ARHGEF9: variants seen among roughly 807,000 people sequenced by gnomAD.
The protein encoded by ARHGEF9 is rho guanine nucleotide exchange factor 9.
ARHGEF9 carries 2 observed loss-of-function variants against 41.3 expected under a neutral mutation model. The ratio of observed to expected loss-of-function variants is 0.05; its 90% CI spans 0.02 to 0.15. The LOEUF (loss-of-function observed/expected upper bound fraction) is 0.15. ARHGEF9 is among the 10% of genes least tolerant of loss of function. ARHGEF9 has a pLI of 1.00. For synonymous variants in ARHGEF9, 160 were observed against 154.4 expected (o/e 1.04, Z -0.27); for missense variants, 225 against 424.7 (o/e 0.53, Z 4.13).
At chrX:63,650,993 C>T (rs1217983240) in intron 8 of ARHGEF9, among the ~76,000 whole-genome samples, 8 of 110,255 alleles carry the variant, frequency 7.3e-5, no homozygotes, top group Non-Finnish European at 1.5e-4. Context: ...TAGAAATTAT[C>T]AAAAGTAATG....
At chrX:63,655,780 G>T in intron 7 of ARHGEF9, 43 bp from the exon 8 acceptor site, 2 of 1,195,953 alleles carry the variant, frequency 1.7e-6, no homozygotes, top group South Asian at 3.5e-5. Flanking sequence ...TGTGCACGGC[G>T]AGTACTAGAA....
At chrX:63,780,403 G>A (rs1556461380) in intron 1 of ARHGEF9, among the ~76,000 whole-genome samples, 5 of 111,014 alleles carry the variant, frequency 4.5e-5, no homozygotes, top group Non-Finnish European at 5.7e-5. Context: ...TATTTGGCAT[G>A]GAATTGGTCC....
intron 3 of ARHGEF9, among the ~76,000 whole-genome samples, chrX:63,704,462 C>T (rs1217371957): frequency 1.8e-5 from 2 of 110,922 alleles, no homozygotes; most frequent in African/African-American, 6.6e-5. Flanking sequence ...AAAAGTTTGC[C>T]GAATGAATGA....
rs1316066942 is a variant in ARHGEF9, at chrX:63,713,719, C to A, written c.211-7270G>T. 4.6e-5 allele frequency among the ~76,000 whole-genome samples: 5 copies of A among 109,609 alleles called. No homozygotes were observed. The Admixed American group carries it at 4.9e-4, about 11-fold the overall frequency. ...CTTCACATACACACACACACACACACACACACACACACACCCAGTTTTGGA... is the reference window on the plus strand; with the variant it reads ...CTTCACATACACACACACACACACAAACACACACACACACCCAGTTTTGGA... On this transcript the variant is annotated intron_variant, in intron 2 of 9. Transcript: ENST00000671741.
chrX:63,676,451 C>A (rs2050267157), intron 5 of ARHGEF9, among the ~76,000 whole-genome samples: 1 of 112,215 alleles, frequency 8.9e-6, no homozygotes, highest in African/African-American at 3.2e-5. Flanking sequence ...CTATTTATTT[C>A]TTATCTTAGA....
chrX:63,704,698 C>T (rs1405213843), intron 3 of ARHGEF9, among the ~76,000 whole-genome samples: 1 of 112,249 alleles, frequency 8.9e-6, no homozygotes, highest in Non-Finnish European at 1.9e-5. Flanking sequence ...TAAGAGATTG[C>T]TATAATGAAG....
intron 4 of ARHGEF9, among the ~76,000 whole-genome samples, chrX:63,692,555 A>C (rs1452765094): frequency 8.9e-6 from 1 of 112,219 alleles, no homozygotes; most frequent in African/African-American, 3.2e-5. Context: ...AAAGACAAAA[A>C]ATAACAAATG....
At chrX:63,704,841 C>T (rs185631820) in intron 3 of ARHGEF9, among the ~76,000 whole-genome samples, 1 of 111,938 alleles carries the variant, frequency 8.9e-6, no homozygotes, top group African/African-American at 3.2e-5. Flanking sequence ...GTTCTTTCTA[C>T]TCTATCTGCC....
At chrX:63,712,324 A>G (rs1421187776) in intron 2 of ARHGEF9, among the ~76,000 whole-genome samples, 1 of 112,231 alleles carries the variant, frequency 8.9e-6, no homozygotes, top group East Asian at 2.8e-4. Context: ...TTGTACACAA[A>G]TGTTCATAGT....
At chrX:63,639,364 T>A (rs2047480196) in intron 9 of ARHGEF9, 1 of 112,080 alleles carries the variant, frequency 8.9e-6, no homozygotes, top group African/African-American at 3.2e-5. Context: ...TTGTTACTAA[T>A]TTGATTTTTT....
At chrX:63,754,904 G>A in intron 1 of ARHGEF9, 1 of 939,691 alleles carries the variant, frequency 1.1e-6, no homozygotes, top group Non-Finnish European at 1.3e-6. Context: ...GCTTTCAAAG[G>A]GAAAGGCGGG....
intron 4 of ARHGEF9, among the ~76,000 whole-genome samples, chrX:63,695,503 A>ACATTC (rs2051678344): frequency 8.9e-6 from 1 of 111,942 alleles, no homozygotes. Context: ...TCTGGAATAT[A>ACATTC]CATTCAAGAA....
chrX:63,675,309 C>T (rs1376373832), intron 5 of ARHGEF9, among the ~76,000 whole-genome samples: 1 of 112,047 alleles, frequency 8.9e-6, no homozygotes, highest in East Asian at 2.8e-4. Flanking sequence ...CTTATCATCT[C>T]TTCCATCATC....
intron 3 of ARHGEF9, among the ~76,000 whole-genome samples, chrX:63,699,938 T>C (rs1464167215): frequency 1.6e-4 from 18 of 112,275 alleles, no homozygotes; most frequent in African/African-American, 5.2e-4. Context: ...ATAATTCTGT[T>C]ATAGTTGATG....
At chrX:63,763,288 C>T (rs2147804010) in intron 1 of ARHGEF9, among the ~76,000 whole-genome samples, 1 of 111,173 alleles carries the variant, frequency 9.0e-6, no homozygotes, top group South Asian at 3.8e-4. Context: ...ACATAGAAAG[C>T]CATTAAGTTT....
chrX:63,757,215 T>C (rs1259281501), intron 1 of ARHGEF9, among the ~76,000 whole-genome samples: 1 of 111,459 alleles, frequency 9.0e-6, no homozygotes. Context: ...TTCCAAGGCT[T>C]GAACTACCAT....
At chrX:63,705,004 C>T (rs1381029493) in intron 3 of ARHGEF9, among the ~76,000 whole-genome samples, 1 of 112,531 alleles carries the variant, frequency 8.9e-6, no homozygotes, top group Non-Finnish European at 1.9e-5. Context: ...GCTGTCATTA[C>T]AGATATATGG....
chrX:63,708,564 A>G (rs2052709031), intron 2 of ARHGEF9, among the ~76,000 whole-genome samples: 1 of 111,826 alleles, frequency 8.9e-6, no homozygotes, highest in Non-Finnish European at 1.9e-5. Flanking sequence ...ATTCCTTATA[A>G]AGAATTTGGT....
chrX:63,779,498 A>G lies in ARHGEF9; in HGVS notation c.30+5618T>C, dbSNP rs1321476503. Among the ~76,000 whole-genome samples, 6 of 111,341 alleles carry G rather than the reference A, an allele frequency of 5.4e-5. No homozygotes were observed. In the Admixed American group the frequency reaches 5.7e-4, roughly 11 times the overall value. Reference sequence around the variant, plus strand: ...ACTATCATGAGAACAACATGAGGGTAACTGACCCCATGATTTGATTACCTT... The same window carrying G: ...ACTATCATGAGAACAACATGAGGGTGACTGACCCCATGATTTGATTACCTT... On this transcript the variant is annotated intron_variant, in intron 1 of 9. Transcript: ENST00000671741.
Sources: gnomAD v4.1 joint callset for allele counts (sites outside exome capture counted in the v4.1 genomes callset) on GRCh38, gnomAD v4.1.1 for gene constraint, MANE v1.5 for transcripts, NCBI Gene and HGNC (gene_info 2026-07-23, HGNC 2026-07-21) for gene names.